PTPRN2: variants seen among roughly 807,000 people sequenced by gnomAD.
PTPRN2 encodes the protein receptor-type tyrosine-protein phosphatase N2.
A neutral mutation model predicts 118.8 loss-of-function variants in PTPRN2; 74 were observed. The observed-to-expected ratio is 0.62, with a 90% confidence interval of 0.52 to 0.76. The LOEUF (loss-of-function observed/expected upper bound fraction) is 0.76, where lower values mean the gene tolerates loss of function less well. PTPRN2 is among the 30% of genes least tolerant of loss of function. The pLI is 0.00. For synonymous variants in PTPRN2, 641 were observed against 608.0 expected, an observed-to-expected ratio of 1.05 and a Z score of -0.80; for missense variants, 1,481 against 1,394.4, an observed-to-expected ratio of 1.06 and a Z score of -0.99.
At chr7:158,090,952 C>T (rs548024958) in intron 10 of PTPRN2, among the ~76,000 whole-genome samples, 1 of 152,328 alleles carries the variant, frequency 6.6e-6, no homozygotes, top group African/African-American at 2.4e-5. Context: ...AAAGAAAACA[C>T]TGAGCTCCAT....
rs1488214847 is a variant in PTPRN2 at position 157,868,628 on chromosome 7, A to T, written c.1788+30045T>A. The T allele has an allele frequency of 6.6e-6, 1 of 152,144 alleles. No homozygotes were observed. The highest frequency in any genetic ancestry group is 1.5e-5 in the Non-Finnish European group (1 of 68,028). The allele number at this position is 152,144 out of a possible 1,614,324, so 9.4% of individuals were successfully genotyped here. A position where few individuals can be genotyped will look rare whatever the true frequency, so the allele number is the denominator to read the frequency against. On this transcript the variant is annotated intron_variant, in intron 12 of 22. Transcript: ENST00000389418. The surrounding 1 kb of genome is among the most constrained non-coding windows in gnomAD (Gnocchi z 5.2). Reference sequence around the variant, plus strand: ...TTCCCAGCCTGAGGACTGGCCGGGGAAATAACTCTGAGCCCTCGAGATGAG... The same window carrying T: ...TTCCCAGCCTGAGGACTGGCCGGGGTAATAACTCTGAGCCCTCGAGATGAG...
At chr7:157,790,005 GTT>G in intron 12 of PTPRN2, among the ~76,000 whole-genome samples, 1 of 124,136 alleles carries the variant, frequency 8.1e-6, no homozygotes. Context: ...TGTGTGTGGT[GTT>G]TGTGTGGTGT....
At chr7:157,954,992 C>T (rs1422574571) in intron 11 of PTPRN2, among the ~76,000 whole-genome samples, 1 of 152,178 alleles carries the variant, frequency 6.6e-6, no homozygotes, top group East Asian at 1.9e-4. Context: ...AATGCCACTT[C>T]CTAGTTTGTT....
intron 22 of PTPRN2, among the ~76,000 whole-genome samples, chr7:157,548,458 A>G (rs1018459661): frequency 1.3e-5 from 2 of 152,006 alleles, no homozygotes; most frequent in Admixed American, 1.3e-4. Context: ...GCTCACCAGA[A>G]TTTTTTTTGT....
intron 14 of PTPRN2, among the ~76,000 whole-genome samples, chr7:157,650,541 G>C (rs992367945): frequency 3.9e-5 from 6 of 152,140 alleles, no homozygotes; most frequent in African/African-American, 1.4e-4. Flanking sequence ...GCCAGCACCC[G>C]AGCCAGAGCG....
chr7:158,143,334 C>A (rs1399036068), intron 6 of PTPRN2, among the ~76,000 whole-genome samples: 2 of 152,178 alleles, frequency 1.3e-5, no homozygotes, highest in African/African-American at 2.4e-5. Flanking sequence ...GCAGGAGGCA[C>A]CGGAGCCTGC....
chr7:158,133,677 T>C lies in PTPRN2; in HGVS notation c.1556A>G (p.Asp519Gly). 1.3e-6 allele frequency: 2 copies of C among 1,571,778 alleles called. No homozygotes were observed. Among genetic ancestry groups the C allele is most frequent in the Non-Finnish European group, 1.7e-6 (2 of 1,159,336 alleles). Reference sequence around the variant, plus strand: ...GAGCTTAGCCAGGGCTGCTACTCACTCTCTGTCTGTCACGATGTAGCCCCG... The same window carrying C: ...GAGCTTAGCCAGGGCTGCTACTCACCCTCTGTCTGTCACGATGTAGCCCCG... ...EARGYIVTDR[D>G]PLRPEEGRRL... is the part of the protein sequence containing the mutation. Residue 519 changes from aspartate to glycine, a missense_variant and splice_region_variant, in exon 9 of 23, where the codon GAC (aspartate) becomes GGC (glycine). This residue lies in a region of PTPRN2 where 1,115 missense variants were observed against 994.2 expected (regional missense o/e 1.12). Coordinates refer to ENST00000389418, the MANE Select transcript of PTPRN2 (RefSeq NM_002847.5).
At chr7:157,873,382 G>A (rs941682715) in intron 12 of PTPRN2, among the ~76,000 whole-genome samples, 1 of 152,250 alleles carries the variant, frequency 6.6e-6, no homozygotes, top group African/African-American at 2.4e-5. Context: ...AACCCCCGGA[G>A]GGCCGCGCCC....
At chr7:157,652,986 T>A (rs1805772465) in intron 14 of PTPRN2, among the ~76,000 whole-genome samples, 1 of 152,126 alleles carries the variant, frequency 6.6e-6, no homozygotes, top group African/African-American at 2.4e-5. Context: ...AGGAGGCCCT[T>A]CCTGTGGGGC....
intron 2 of PTPRN2, among the ~76,000 whole-genome samples, chr7:158,470,512 CGT>C (rs1260570879): frequency 1.3e-5 from 2 of 152,146 alleles, no homozygotes; most frequent in African/African-American, 4.8e-5. Context: ...ACAAGCAAGA[CGT>C]GGTGTGTCCC....
intron 2 of PTPRN2, among the ~76,000 whole-genome samples, chr7:158,467,324 G>C (rs1199341829): frequency 8.5e-5 from 13 of 152,060 alleles, no homozygotes. Flanking sequence ...TTGCTATTGA[G>C]TTGAGTGAGT....
chr7:157,541,794 A>G (rs59702190), intron 22 of PTPRN2, among the ~76,000 whole-genome samples: 2,588 of 152,358 alleles, frequency 0.017, 72 homozygotes, highest in African/African-American at 0.059. Flanking sequence ...TGTTTAGTGC[A>G]TAACAGAAAG....
intron 19 of PTPRN2, among the ~76,000 whole-genome samples, chr7:157,575,644 GCTT>G (rs1171971796): frequency 6.6e-6 from 1 of 152,096 alleles, no homozygotes; most frequent in Non-Finnish European, 1.5e-5. Flanking sequence ...TTCAAAAATC[GCTT>G]CTTTATGACA....
intron 11 of PTPRN2, among the ~76,000 whole-genome samples, chr7:158,065,464 A>G (rs774012968): frequency 1.7e-4 from 26 of 152,266 alleles, no homozygotes; most frequent in Admixed American, 8.5e-4. Context: ...AGCTGTGTTC[A>G]CATGGTCATC....
chr7:158,173,732 T>C (rs1051542141), intron 5 of PTPRN2, among the ~76,000 whole-genome samples: 2 of 151,896 alleles, frequency 1.3e-5, no homozygotes, highest in African/African-American at 4.9e-5. Flanking sequence ...AGAACGGCCA[T>C]TCATAGACCT....
chr7:158,113,815 C>T (rs1169083527), intron 9 of PTPRN2, among the ~76,000 whole-genome samples: 1 of 152,220 alleles, frequency 6.6e-6, no homozygotes. Context: ...CACAGCCTAC[C>T]ATCCTTGGCC....
At chr7:158,440,174 G>A (rs1816884538) in intron 2 of PTPRN2, among the ~76,000 whole-genome samples, 1 of 152,222 alleles carries the variant, frequency 6.6e-6, no homozygotes. Flanking sequence ...AGAGACTCAT[G>A]CTCAAAGCTG....
In PTPRN2 at chr7:157,676,544, G is replaced by A. The variant is rs1486592371; in HGVS notation, c.2001+6181C>T. Among the ~76,000 whole-genome samples, 3 of 152,188 alleles carry A rather than the reference G, an allele frequency of 2.0e-5. No homozygotes were observed. The highest frequency in any genetic ancestry group is 2.9e-5 in the Non-Finnish European group (2 of 68,032). On this transcript the variant is annotated intron_variant, in intron 13 of 22. Coordinates refer to ENST00000389418, the MANE Select transcript of PTPRN2 (RefSeq NM_002847.5). The surrounding 1 kb of genome is among the most constrained non-coding windows in gnomAD (Gnocchi z 5.6). ...GCCTCACACTACGAGGGAAGATGGT[G>A]GAGGAGCTGTCCAGACCCACGGGAC...
At chr7:158,369,260 TACACAC>T (rs1053762062) in intron 2 of PTPRN2, among the ~76,000 whole-genome samples, 8 of 27,588 alleles carry the variant, frequency 2.9e-4, no homozygotes, top group Non-Finnish European at 6.3e-4. Context: ...TATATATATA[TACACAC>T]ATACACACAC....
Sources: allele counts gnomAD v4.1 joint callset (sites outside exome capture counted in the v4.1 genomes callset), GRCh38; gene constraint gnomAD v4.1.1; regional missense constraint gnomAD v4.1.1; non-coding constraint Gnocchi (gnomAD v3.1); transcripts MANE v1.5; gene names NCBI Gene and HGNC (gene_info 2026-07-23, HGNC 2026-07-21).